The following ACSS2 variants were observed in gnomAD, a reference collection of about 807,000 sequenced individuals.
ACSS2 encodes acyl-CoA synthetase short chain family member 2, also known as acetyl-coenzyme A synthetase, cytoplasmic.
ACSS2 carries 58 observed loss-of-function variants against 90.6 expected under a neutral mutation model. That is an observed-to-expected ratio of 0.64 (90% CI 0.52 to 0.80). ACSS2 has a LOEUF of 0.80. ACSS2 is among the 30% of genes least tolerant of loss of function. ACSS2 has a pLI of 0.00. For synonymous variants in ACSS2, 300 were observed against 330.9 expected, an observed-to-expected ratio of 0.91 and a Z score of 1.01; for missense variants, 759 against 912.0, an observed-to-expected ratio of 0.83 and a Z score of 2.16.
chr20:34,882,514 C>T (rs980650439), intron 1 of ACSS2, among the ~76,000 whole-genome samples: 4 of 150,802 alleles, frequency 2.7e-5, no homozygotes, highest in South Asian at 2.1e-4. Flanking sequence ...CCCAGCTACT[C>T]GGGAGGCTGA....
In ACSS2 at chr20:34,923,353, C is replaced by T. The variant is rs1202398973; in HGVS notation, c.1579C>T (p.Arg527Cys). 13 of 1,614,014 alleles carry T rather than the reference C, an allele frequency of 8.1e-6. No homozygotes were observed. The highest frequency in any genetic ancestry group is 4.0e-5 in the African/African-American group (3 of 74,894). ...VFKQPWPGIM[R>C]TVYGNHERFE... ...CAAGCAGCCCTGGCCAGGGATCATG[C>T]GCACAGTCTATGGGAACCACGAACG... The change falls in exon 14 of 18, where the codon CGC becomes TGC. Residue 527 changes from arginine to cysteine, a missense_variant. Physicochemically the swap from Arg to Cys is radical, Grantham distance 180. Coordinates refer to ENST00000360596, the MANE Select transcript of ACSS2 (RefSeq NM_018677.4).
chr20:34,903,754 G>A (rs1013702370), intron 2 of ACSS2, among the ~76,000 whole-genome samples: 1 of 151,658 alleles, frequency 6.6e-6, no homozygotes, highest in Non-Finnish European at 1.5e-5. Context: ...ATAAAGAGGG[G>A]AGCTGGGTGC....
intron 2 of ACSS2, among the ~76,000 whole-genome samples, chr20:34,903,065 G>A (rs1478216287): frequency 5.3e-5 from 8 of 151,788 alleles, no homozygotes; most frequent in African/African-American, 9.7e-5. Context: ...TTCTGTGGCC[G>A]GGTGCAGTGG....
chr20:34,912,429 G>A, intron 2 of ACSS2: 1 of 157,532 alleles, frequency 6.3e-6, no homozygotes, highest in South Asian at 1.7e-4. Flanking sequence ...GGGATTACAG[G>A]CACACACCAC....
At chr20:34,919,723 C>A in intron 8 of ACSS2, 151 bp downstream of exon 8, 2 of 1,234,294 alleles carry the variant, frequency 1.6e-6, no homozygotes, top group Non-Finnish European at 2.2e-6. Context: ...TTTTCTAAAT[C>A]AAATTAAGAC....
intron 13 of ACSS2, 29 bp from the exon 14 acceptor site, chr20:34,923,294 G>A (rs765599640): frequency 1.3e-6 from 2 of 1,484,994 alleles, no homozygotes; most frequent in Non-Finnish European, 1.9e-6. Flanking sequence ...CATAGCAAAT[G>A]TGATCACTGT....
At chr20:34,894,223 C>T (rs1198014401) in intron 2 of ACSS2, among the ~76,000 whole-genome samples, 1 of 152,110 alleles carries the variant, frequency 6.6e-6, no homozygotes, top group Non-Finnish European at 1.5e-5. Flanking sequence ...GGCACAGTGG[C>T]TCATGCCTGT....
intron 7 of ACSS2, among the ~76,000 whole-genome samples, chr20:34,918,742 C>G (rs1198993945): frequency 6.6e-6 from 1 of 152,232 alleles, no homozygotes; most frequent in East Asian, 1.9e-4. Context: ...CTAACAGGGT[C>G]AGGTGCCCAC....
chr20:34,921,299 A>G (rs1286289958), intron 10 of ACSS2, 31 bp from the exon 11 acceptor site: 1 of 1,613,424 alleles, frequency 6.2e-7, no homozygotes, highest in African/African-American at 1.3e-5. Context: ...TAGTACTCAG[A>G]GCCTTCCTCT....
chr20:34,925,690 C>G lies in ACSS2; in HGVS notation c.1658-8C>G. On this transcript the variant is annotated splice_polypyrimidine_tract_variant and splice_region_variant and intron_variant, in intron 14 of 17. Coordinates refer to ENST00000360596, the MANE Select transcript of ACSS2 (RefSeq NM_018677.4). ...TTTTTATTTATTAGGTTTTGCATTT[C>G]TTCCCAGGCTGCCAGCGGGACCAGG... 6.2e-7 allele frequency: 1 copy of G among 1,611,906 alleles called. No homozygotes were observed. Among genetic ancestry groups the G allele is most frequent in the Non-Finnish European group, 8.5e-7 (1 of 1,179,112 alleles).
chr20:34,927,222 C>A lies in ACSS2; in HGVS notation c.*8C>A. 6.2e-7 allele frequency: 1 copy of A among 1,613,078 alleles called. No homozygotes were observed. The highest frequency in any genetic ancestry group is 8.5e-7 in the Non-Finnish European group (1 of 1,180,014). ...TGCCTGACCATCCAGTGAACATGAT[C>A]CTGACCTTTACCTAGGATTCCTCCT... On this transcript the variant is annotated 3_prime_UTR_variant, in exon 18 of 18. Transcript: ENST00000360596. The surrounding 1 kb of genome is among the most constrained non-coding windows in gnomAD (Gnocchi z 4.2).
intron 12 of ACSS2, 56 bp from the exon 13 acceptor site, chr20:34,921,730 T>C: frequency 6.2e-7 from 1 of 1,609,088 alleles, no homozygotes; most frequent in Non-Finnish European, 8.5e-7. Flanking sequence ...CCCTTGGGAG[T>C]TGAGTCAGAG....
intron 2 of ACSS2, among the ~76,000 whole-genome samples, chr20:34,892,084 T>TAAA (rs2080348891): frequency 6.6e-6 from 1 of 152,216 alleles, no homozygotes; most frequent in African/African-American, 2.4e-5. Context: ...GACTCTTTTT[T>TAAA]AAGTTACTTC....
At chr20:34,902,810 C>G (rs1000631300) in intron 2 of ACSS2, among the ~76,000 whole-genome samples, 1 of 151,854 alleles carries the variant, frequency 6.6e-6, no homozygotes, top group Non-Finnish European at 1.5e-5. Context: ...ACTGTAATCT[C>G]CACCTCCTGG....
chr20:34,891,488 A>T (rs1360752021), intron 2 of ACSS2, among the ~76,000 whole-genome samples: 1 of 152,078 alleles, frequency 6.6e-6, no homozygotes, highest in Non-Finnish European at 1.5e-5. Context: ...TTATTTATTT[A>T]TTTATTTAAT....
At chr20:34,883,190 A>G (rs2080108304) in intron 2 of ACSS2, among the ~76,000 whole-genome samples, 1 of 152,204 alleles carries the variant, frequency 6.6e-6, no homozygotes, top group Admixed American at 6.5e-5. Flanking sequence ...CCTGACTTCT[A>G]GTCTAGTGTT....
At chr20:34,914,528 A>G in intron 7 of ACSS2, 91 bp downstream of exon 7, 3 of 1,132,850 alleles carry the variant, frequency 2.6e-6, no homozygotes, top group Non-Finnish European at 3.7e-6. Flanking sequence ...TTGCCTGCTC[A>G]TCAGTATACT....
At chr20:34,894,116 G>T (rs992581605) in intron 2 of ACSS2, among the ~76,000 whole-genome samples, 1 of 152,064 alleles carries the variant, frequency 6.6e-6, no homozygotes, top group Non-Finnish European at 1.5e-5. Flanking sequence ...CAGTCACAGA[G>T]GGTTCTTGTT....
At chr20:34,878,508 T>C (rs1435912731) in intron 1 of ACSS2, among the ~76,000 whole-genome samples, 1 of 152,182 alleles carries the variant, frequency 6.6e-6, no homozygotes, top group African/African-American at 2.4e-5. Context: ...ACAGTACACA[T>C]TCAATAAATA....
Sources: allele counts gnomAD v4.1 joint callset (sites outside exome capture counted in the v4.1 genomes callset), GRCh38; gene constraint gnomAD v4.1.1; non-coding constraint Gnocchi (gnomAD v3.1); transcripts MANE v1.5; gene names NCBI Gene and HGNC (gene_info 2026-07-23, HGNC 2026-07-21).